DNAL1: variants seen among roughly 807,000 people sequenced by gnomAD.
DNAL1 encodes dynein axonemal light chain 1.
In DNAL1, 17 loss-of-function variants were observed where a neutral mutation model predicts 29.4. That is an observed-to-expected ratio of 0.58 (90% CI 0.40 to 0.87). The LOEUF (loss-of-function observed/expected upper bound fraction) is 0.87. Ranked by LOEUF, DNAL1 falls within the 40% of genes least tolerant of loss-of-function variation. DNAL1 has a pLI of 0.00. For missense variants in DNAL1, 188 were observed against 214.1 expected (o/e 0.88, Z 0.76); for synonymous variants, 78 against 76.3 (o/e 1.02, Z -0.12).
rs1892367377 is a variant in DNAL1, at chr14:73,699,005, G to A, written c.*3063G>A. On this transcript the variant is annotated 3_prime_UTR_variant, in exon 8 of 8. Transcript: ENST00000553645. ...GGATTGATAATTCATTGTTGTTGGG[G>A]GCTGTCCTGTGTGCTTAGGATGTTC... 1 of 152,094 alleles carries A rather than the reference G, an allele frequency of 6.6e-6. No individual in the cohort carries two copies. The highest frequency in any genetic ancestry group is 2.1e-4 in the South Asian group (1 of 4,824). 9.4% of individuals were successfully genotyped at this position (152,094 alleles called of 1,614,324 possible).
intron 1 of DNAL1, among the ~76,000 whole-genome samples, chr14:73,650,703 T>C (rs1407873101): frequency 6.6e-6 from 1 of 152,162 alleles, no homozygotes; most frequent in Non-Finnish European, 1.5e-5. Context: ...CTCAAACTCC[T>C]GACCTCAAGA....
chr14:73,694,254 A>G (rs1403277611), intron 7 of DNAL1, among the ~76,000 whole-genome samples: 2 of 136,780 alleles, frequency 1.5e-5, no homozygotes, highest in African/African-American at 5.7e-5. Context: ...AAATAAATAA[A>G]TAAATAAATA....
At chr14:73,681,844 G>A (rs1391658940) in intron 5 of DNAL1, among the ~76,000 whole-genome samples, 1 of 151,614 alleles carries the variant, frequency 6.6e-6, no homozygotes, top group Non-Finnish European at 1.5e-5. Context: ...TGGGCATGGT[G>A]GCTCACGCCT....
At chr14:73,693,260 T>C (rs947292025) in intron 7 of DNAL1, among the ~76,000 whole-genome samples, 1 of 142,058 alleles carries the variant, frequency 7.0e-6, no homozygotes, top group Non-Finnish European at 1.6e-5. Flanking sequence ...CTTTGGGAAA[T>C]TGGCGTTATC....
intron 6 of DNAL1, among the ~76,000 whole-genome samples, chr14:73,689,090 T>C (rs1225388915): frequency 1.4e-5 from 2 of 144,364 alleles, no homozygotes; most frequent in Non-Finnish European, 3.0e-5. Flanking sequence ...CTGGAGTGCA[T>C]TGGTGCAATC....
intron 7 of DNAL1, among the ~76,000 whole-genome samples, chr14:73,693,235 A>T (rs573076054): frequency 1.3e-5 from 2 of 151,982 alleles, no homozygotes; most frequent in Non-Finnish European, 2.9e-5. Flanking sequence ...ATGGTAATGT[A>T]ACTTGGTATA....
At chr14:73,686,560 G>A (rs921461144) in intron 5 of DNAL1, among the ~76,000 whole-genome samples, 6 of 152,042 alleles carry the variant, frequency 3.9e-5, no homozygotes, top group Non-Finnish European at 7.4e-5. Context: ...ACAAAAATTA[G>A]CCAGATGTGG....
chr14:73,655,479 G>C (rs1891198081), intron 2 of DNAL1, among the ~76,000 whole-genome samples: 1 of 151,620 alleles, frequency 6.6e-6, no homozygotes. Context: ...CGAGTAGCTG[G>C]ATTACAGGCA....
At chr14:73,671,730 T>C in intron 5 of DNAL1, 133 bp downstream of exon 5, 1 of 1,093,418 alleles carries the variant, frequency 9.1e-7, no homozygotes, top group South Asian at 2.5e-5. Flanking sequence ...TGTGACATAT[T>C]CTCAAGTTAC....
intron 7 of DNAL1, among the ~76,000 whole-genome samples, chr14:73,694,237 TATAA>T (rs56225198): frequency 0.15 from 19,232 of 127,856 alleles, 1,475 homozygotes; most frequent in African/African-American, 0.21. Flanking sequence ...AAGCCCTGTC[TATAA>T]ATAAATAAAT....
intron 5 of DNAL1, among the ~76,000 whole-genome samples, chr14:73,686,399 A>G (rs769604224): frequency 1.3e-5 from 2 of 152,178 alleles, no homozygotes; most frequent in Non-Finnish European, 2.9e-5. Context: ...CTACTTAACA[A>G]ATACTTACAG....
At chr14:73,649,664 C>T (rs1169235178) in intron 1 of DNAL1, among the ~76,000 whole-genome samples, 1 of 152,298 alleles carries the variant, frequency 6.6e-6, no homozygotes, top group East Asian at 1.9e-4. Flanking sequence ...AAACTAACAT[C>T]CTCCACACAC....
At chr14:73,681,537 G>A (rs1379620333) in intron 5 of DNAL1, among the ~76,000 whole-genome samples, 2 of 147,238 alleles carry the variant, frequency 1.4e-5, no homozygotes, top group East Asian at 4.0e-4. Flanking sequence ...GGAGGCTGAG[G>A]CGGTGGGATC....
chr14:73,690,199 GTATT>G (rs1892137586), intron 7 of DNAL1, among the ~76,000 whole-genome samples: 2 of 151,944 alleles, frequency 1.3e-5, no homozygotes, highest in Admixed American at 1.3e-4. Context: ...GAAAAACCCT[GTATT>G]TATTTTTAAA....
intron 2 of DNAL1, among the ~76,000 whole-genome samples, chr14:73,658,558 G>A (rs1891267459): frequency 6.6e-6 from 1 of 151,898 alleles, no homozygotes; most frequent in African/African-American, 2.4e-5. Flanking sequence ...GCATTTGTTT[G>A]TGTCATTTTC....
intron 1 of DNAL1, among the ~76,000 whole-genome samples, chr14:73,654,609 A>T (rs1891169234): frequency 1.3e-5 from 2 of 152,074 alleles, no homozygotes; most frequent in South Asian, 4.1e-4. Context: ...AATACAAAAA[A>T]TTAGCCGGGA....
At chr14:73,662,396 A>G (rs1177203933) in intron 4 of DNAL1, among the ~76,000 whole-genome samples, 1 of 152,058 alleles carries the variant, frequency 6.6e-6, no homozygotes, top group Non-Finnish European at 1.5e-5. Context: ...TGTGCTCCTT[A>G]TCCTCGTTAA....
intron 5 of DNAL1, among the ~76,000 whole-genome samples, chr14:73,677,550 ATTTAT>A (rs1313751816): frequency 6.7e-6 from 1 of 148,482 alleles, no homozygotes. Context: ...AAATATATTT[ATTTAT>A]TTATTTATTT....
intron 4 of DNAL1, among the ~76,000 whole-genome samples, chr14:73,668,407 AAAAG>A (rs373158992): frequency 6.6e-6 from 1 of 152,224 alleles, no homozygotes; most frequent in African/African-American, 2.4e-5. Context: ...TGAAATAGAA[AAAAG>A]AAAATGGTGT....
Sources: allele counts gnomAD v4.1 joint callset (sites outside exome capture counted in the v4.1 genomes callset), GRCh38; gene constraint gnomAD v4.1.1; transcripts MANE v1.5; gene names NCBI Gene and HGNC (gene_info 2026-07-23, HGNC 2026-07-21).